UACA: variants seen among roughly 807,000 people sequenced by gnomAD.
UACA encodes nuclear membrane binding protein.
Under a neutral mutation model 160.5 loss-of-function variants are expected in UACA, and 112 were observed. That is an observed-to-expected ratio of 0.70 (90% confidence interval 0.60 to 0.82). UACA has a LOEUF of 0.82. Ranked by LOEUF, UACA falls within the 40% of genes least tolerant of loss-of-function variation. The pLI is 0.00. For missense variants in UACA, 1,574 were observed against 1,614.6 expected (o/e 0.97, Z 0.43); for synonymous variants, 557 against 568.4 (o/e 0.98, Z 0.29).
intron 3 of UACA, 67 bp from the exon 4 acceptor site, chr15:70,691,430 A>G: frequency 8.3e-7 from 1 of 1,206,334 alleles, no homozygotes; most frequent in Non-Finnish European, 1.2e-6. Flanking sequence ...ATTTTTATAG[A>G]AATATGATTC....
intron 1 of UACA, among the ~76,000 whole-genome samples, chr15:70,721,295 A>G (rs1163392528): frequency 6.6e-6 from 1 of 152,106 alleles, no homozygotes; most frequent in Non-Finnish European, 1.5e-5. Context: ...AAATCAGTTC[A>G]GTTTGGTTGT....
At chr15:70,754,661 A>G (rs1292333299) in intron 1 of UACA, among the ~76,000 whole-genome samples, 1 of 152,238 alleles carries the variant, frequency 6.6e-6, no homozygotes, top group Non-Finnish European at 1.5e-5. Flanking sequence ...CATCTTCTGC[A>G]TATCATCTTG....
At chr15:70,754,189 C>A in intron 1 of UACA, 2 of 455,828 alleles carry the variant, frequency 4.4e-6, no homozygotes, top group South Asian at 3.1e-5. Flanking sequence ...CACCTGCGCT[C>A]TCTCAAGGAT....
At chr15:70,683,829 T>G (rs1378849340) in intron 8 of UACA, among the ~76,000 whole-genome samples, 1 of 151,942 alleles carries the variant, frequency 6.6e-6, no homozygotes, top group Non-Finnish European at 1.5e-5. Flanking sequence ...TTCTGTATGT[T>G]CCTGTTTTTT....
At chr15:70,753,875 G>T (rs1595925711) in intron 1 of UACA, among the ~76,000 whole-genome samples, 1 of 152,092 alleles carries the variant, frequency 6.6e-6, no homozygotes. Context: ...GCGCGATCTC[G>T]GCTCAATGCA....
At position 70,703,269 on chromosome 15, in the gene UACA, T is replaced by C. The variant is rs968956440; in HGVS notation, c.79-3609A>G. ...CTCTAAAAAGACACATTTGTGAAAA[T>C]TGTTTCATGGGAATGCAAAACATTC... On this transcript the variant is annotated intron_variant, in intron 1 of 18. Transcript: ENST00000322954. 1.9e-5 allele frequency: 25 copies of C among 1,286,798 alleles called. No individual in the cohort carries two copies. The African/African-American group carries it at 2.0e-4, about 10-fold the overall frequency. 79.7% of individuals were successfully genotyped at this position (1,286,798 alleles called of 1,614,324 possible). A position where few individuals can be genotyped will look rare whatever the true frequency, so the allele number is the denominator to read the frequency against.
chr15:70,667,438 T>C lies in UACA; in HGVS notation c.3246A>G (p.Val1082=). The change falls in exon 16 of 19, where the codon GTA becomes GTG. Residue 1082 remains valine (V), a synonymous_variant. Transcript: ENST00000322954. ...CTACTAGCTTCTCTTTCACATTCTT[T>C]ACTTCCGTGTATTTCTGTGACAAGT... ...LKDLSQKYTE[V]KNVKEKLVEE... is the part of the protein sequence containing the mutation. 1 of 1,610,304 alleles carries C rather than the reference T, an allele frequency of 6.2e-7. No homozygotes were observed. The highest frequency in any genetic ancestry group is 8.5e-7 in the Non-Finnish European group (1 of 1,179,686).
chr15:70,700,243 C>CT (rs1051705602), intron 1 of UACA, among the ~76,000 whole-genome samples: 3 of 149,110 alleles, frequency 2.0e-5, no homozygotes, highest in African/African-American at 5.1e-5. Context: ...ACTACCCCCC[C>CT]CCAACACAGA....
At chr15:70,711,366 T>C (rs1029886192) in intron 1 of UACA, among the ~76,000 whole-genome samples, 1 of 151,818 alleles carries the variant, frequency 6.6e-6, no homozygotes, top group Non-Finnish European at 1.5e-5. Flanking sequence ...AATTCATTTG[T>C]TCAATAAAAA....
chr15:70,693,176 C>T (rs1898000704), intron 3 of UACA, among the ~76,000 whole-genome samples: 1 of 152,122 alleles, frequency 6.6e-6, no homozygotes, highest in Non-Finnish European at 1.5e-5. Context: ...GGCAACAGTA[C>T]CTGGTGTTCA....
chr15:70,676,940 C>T (rs1897319897), intron 12 of UACA, among the ~76,000 whole-genome samples, 168 bp downstream of exon 12: 1 of 152,138 alleles, frequency 6.6e-6, no homozygotes, highest in African/African-American at 2.4e-5. Context: ...ATCTATGCCA[C>T]TACATTCAAA....
intron 1 of UACA, among the ~76,000 whole-genome samples, chr15:70,728,635 A>C (rs1447116285): frequency 6.6e-6 from 1 of 151,972 alleles, no homozygotes; most frequent in African/African-American, 2.4e-5. Context: ...CAGCCTCGGC[A>C]AAACATTTAC....
chr15:70,758,758 A>G (rs2030574030), intron 1 of UACA: 2 of 152,228 alleles, frequency 1.3e-5, no homozygotes, highest in Admixed American at 6.5e-5. Context: ...GCTTTAAAAC[A>G]TATTTAGTTC....
chr15:70,690,580 T>C lies in UACA; in HGVS notation c.367-69A>G, dbSNP rs938017650. The C allele has an allele frequency of 3.4e-6, 4 of 1,172,632 alleles. No homozygotes were observed. In the African/African-American group the frequency reaches 4.6e-5, roughly 14 times the overall value. The allele number at this position is 1,172,632 out of a possible 1,614,324, so 72.6% of individuals were successfully genotyped here. ...TTAAAATTAGATATCCAGACTCAGA[T>C]GAACAGCTGTTATTTAATCTTAAAA... On this transcript the variant is annotated intron_variant, in intron 4 of 18. Coordinates refer to ENST00000322954, the MANE Select transcript of UACA (RefSeq NM_018003.4).
intron 15 of UACA, among the ~76,000 whole-genome samples, chr15:70,670,083 A>G (rs995095668): frequency 1.3e-5 from 2 of 152,158 alleles, no homozygotes; most frequent in African/African-American, 4.8e-5. Flanking sequence ...AGCACCAGGG[A>G]AAGAGAGTCT....
intron 1 of UACA, among the ~76,000 whole-genome samples, chr15:70,719,458 C>G (rs1396624116): frequency 6.6e-6 from 1 of 152,190 alleles, no homozygotes; most frequent in East Asian, 1.9e-4. Flanking sequence ...GCTCAATAAG[C>G]TCAAGATACC....
At chr15:70,726,385 T>TA (rs984146280) in intron 1 of UACA, among the ~76,000 whole-genome samples, 3 of 151,384 alleles carry the variant, frequency 2.0e-5, no homozygotes, top group South Asian at 2.1e-4. Flanking sequence ...GGAAATTGTT[T>TA]AAAAAAAAAT....
intron 17 of UACA, chr15:70,661,089 TG>T (rs1304960236): frequency 6.6e-6 from 1 of 152,180 alleles, no homozygotes; most frequent in African/African-American, 2.4e-5. Flanking sequence ...CCATGCCACT[TG>T]TATTCCATCT....
chr15:70,667,188 G>C lies in UACA; in HGVS notation c.3496C>G (p.Leu1166Val), dbSNP rs1157774747. ...TCTTTAATCTGCAAATGCTCTGCCAGGGGTACAGAAGAGTTCTTTTGATTC... is the reference window on the plus strand; with the variant it reads ...TCTTTAATCTGCAAATGCTCTGCCACGGGTACAGAAGAGTTCTTTTGATTC... ...LENQKNSSVP[L>V]AEHLQIKEAF... Residue 1166 changes from leucine to valine, a missense_variant, in exon 16 of 19, where the codon CTG (leucine) becomes GTG (valine). Transcript: ENST00000322954. 7 of 1,613,850 alleles carry C rather than the reference G, an allele frequency of 4.3e-6. No homozygotes were observed. The Admixed American group carries it at 6.7e-5, about 15-fold the overall frequency.
Sources: gnomAD v4.1 joint callset for allele counts (sites outside exome capture counted in the v4.1 genomes callset) on GRCh38, gnomAD v4.1.1 for gene constraint, MANE v1.5 for transcripts, NCBI Gene and HGNC (gene_info 2026-07-23, HGNC 2026-07-21) for gene names.